Variants in FBXO33 observed in about 807,000 individuals in gnomAD.
FBXO33 encodes F-box protein 33, also known as F-box only protein 33.
FBXO33 carries 22 observed loss-of-function variants against 46.3 expected under a neutral mutation model. The ratio of observed to expected loss-of-function variants is 0.48; its 90% CI spans 0.34 to 0.68. The LOEUF (loss-of-function observed/expected upper bound fraction) is 0.68, where lower values mean the gene tolerates loss of function less well. FBXO33 is among the 30% of genes least tolerant of loss of function. The pLI, the probability that FBXO33 is intolerant of heterozygous loss-of-function variation, is 0.01. For synonymous variants in FBXO33, 337 were observed against 291.3 expected (o/e 1.16, Z -1.60); for missense variants, 692 against 708.8 (o/e 0.98, Z 0.27).
In FBXO33 at chr14:39,399,162, A is replaced by AT. The variant is rs554558710; in HGVS notation, c.*353dup. ...TATATATCTATATATGTATAAAAAT[A>AT]TTTTGGCTCCTGAGCTCTGAACTCT... On this transcript the variant is annotated 3_prime_UTR_variant, in exon 4 of 4. Coordinates refer to ENST00000298097, the MANE Select transcript of FBXO33 (RefSeq NM_203301.4). 9.3e-4 allele frequency: 152 copies of AT among 164,044 alleles called. No individual in the cohort carries two copies. The highest frequency in any genetic ancestry group is 1.6e-3 in the Non-Finnish European group (120 of 75,820). 10.2% of individuals were successfully genotyped at this position (164,044 alleles called of 1,614,324 possible).
Position 39,431,870 on chromosome 14 carries a change from C to A in FBXO33, c.293G>T (p.Trp98Leu), listed in dbSNP as rs866247564. The A allele has an allele frequency of 1.3e-6, 2 of 1,579,704 alleles. No homozygotes were observed. The highest frequency in any genetic ancestry group is 1.7e-6 in the Non-Finnish European group (2 of 1,168,466). Residue 98 changes from tryptophan to leucine, a missense_variant, in exon 1 of 4, where the codon TGG (tryptophan) becomes TTG (leucine). Physicochemically the swap from Trp to Leu is moderately conservative, Grantham distance 61. This residue lies in a region of FBXO33 where 412 missense variants were observed against 370.8 expected (regional missense o/e 1.11). Coordinates refer to ENST00000298097, the MANE Select transcript of FBXO33 (RefSeq NM_203301.4). ...RLRASASCSH[W>L]RECLFYPALW... ...GGCCGGATAGAAGAGGCACTCACGCCAGTGCGAGCAGGAGGCCGAGGCCCG... is the reference window on the plus strand; with the variant it reads ...GGCCGGATAGAAGAGGCACTCACGCAAGTGCGAGCAGGAGGCCGAGGCCCG...
At position 39,398,981 on chromosome 14, in the gene FBXO33, A is replaced by G. The variant is rs2075356285; in HGVS notation, c.*535T>C. On this transcript the variant is annotated 3_prime_UTR_variant, in exon 4 of 4. Coordinates refer to ENST00000298097, the MANE Select transcript of FBXO33 (RefSeq NM_203301.4). Reference sequence around the variant, plus strand: ...TTCAAAATGGTAACTGGTGATATCAACTATTAGATATGTAATGAAAGTTAA... The same window carrying G: ...TTCAAAATGGTAACTGGTGATATCAGCTATTAGATATGTAATGAAAGTTAA... 1.3e-5 allele frequency: 2 copies of G among 152,540 alleles called. No homozygotes were observed. Among genetic ancestry groups the G allele is most frequent in the South Asian group, 2.1e-4 (1 of 4,834 alleles). The allele number at this position is 152,540 out of a possible 1,614,324, so 9.4% of individuals were successfully genotyped here.
Position 39,431,872 on chromosome 14 carries a change from G to A in FBXO33, c.291C>T (p.His97=), listed in dbSNP as rs200294421. 36 of 1,579,010 alleles carry A rather than the reference G, an allele frequency of 2.3e-5. No individual in the cohort carries two copies. Among genetic ancestry groups the A allele is most frequent in the African/African-American group, 4.0e-5 (3 of 74,628 alleles). The change falls in exon 1 of 4, where the codon CAC becomes CAT. Residue 97 remains histidine, a synonymous_variant. Coordinates refer to ENST00000298097, the MANE Select transcript of FBXO33 (RefSeq NM_203301.4). ...CCGGATAGAAGAGGCACTCACGCCA[G>A]TGCGAGCAGGAGGCCGAGGCCCGCA... ...DRLRASASCS[H]WRECLFYPAL...
In FBXO33 at chr14:39,431,670, C is replaced by T. The variant is rs748126349; in HGVS notation, c.493G>A (p.Gly165Arg). Reference protein sequence around the residue: ...GDGGGADTGTGGEEVEALQLS... With the variant: ...GDGGGADTGTRGEEVEALQLS... ...TGCAGGGCCTCGACTTCCTCCCCTC[C>T]AGTCCCGGTGTCCGCGCCACCTCCG... The change falls in exon 1 of 4, where the codon GGA (glycine) becomes AGA (arginine). Residue 165 changes from glycine to arginine, a missense_variant. Physicochemically the swap from Gly to Arg is moderately radical, Grantham distance 125. Around this residue, in one of 3 missense-constraint regions of FBXO33, gnomAD observed 412 missense variants for 370.8 expected, o/e 1.11. Transcript: ENST00000298097. 1 of 1,613,634 alleles carries T rather than the reference C, an allele frequency of 6.2e-7. No individual in the cohort carries two copies.
intron 1 of FBXO33, among the ~76,000 whole-genome samples, chr14:39,411,411 T>C (rs2075421742): frequency 1.3e-5 from 2 of 152,180 alleles, no homozygotes; most frequent in African/African-American, 2.4e-5. Context: ...TTTCTTAACA[T>C]AGGGCATTTT....
At chr14:39,408,581 C>T (rs544132054) in intron 1 of FBXO33, among the ~76,000 whole-genome samples, 34 of 151,862 alleles carry the variant, frequency 2.2e-4, no homozygotes, top group South Asian at 6.2e-4. Context: ...AGCACCATCT[C>T]GGCTCACTGC....
intron 1 of FBXO33, among the ~76,000 whole-genome samples, chr14:39,431,086 T>C (rs1221757151): frequency 6.6e-6 from 1 of 152,144 alleles, no homozygotes; most frequent in African/African-American, 2.4e-5. Context: ...GGTAAGAAAA[T>C]GGCTGTTACA....
Position 39,432,140 on chromosome 14 carries a change from G to T in FBXO33, c.23C>A (p.Pro8Gln). ...TCGAGCTCCCGGCGGTCGGGGCTGCGGCACTGACAAGAACAACAACATCAA... is the reference window on the plus strand; with the variant it reads ...TCGAGCTCCCGGCGGTCGGGGCTGCTGCACTGACAAGAACAACAACATCAA... Reference protein sequence around the residue: MLLFLSVPQPRPPGARTR... With the variant: MLLFLSVQQPRPPGARTR... Residue 8 changes from proline (P) to glutamine (Q), a missense_variant, in exon 1 of 4, where the codon CCG (proline) becomes CAG (glutamine). Transcript: ENST00000298097. 1 of 1,239,656 alleles carries T rather than the reference G, an allele frequency of 8.1e-7. No individual in the cohort carries two copies. The highest frequency in any genetic ancestry group is 1.6e-5 in the African/African-American group (1 of 64,418). 76.8% of individuals were successfully genotyped at this position (1,239,656 alleles called of 1,614,324 possible). A position where few individuals can be genotyped will look rare whatever the true frequency, so the allele number is the denominator to read the frequency against.
intron 1 of FBXO33, among the ~76,000 whole-genome samples, chr14:39,410,218 T>C (rs531881296): frequency 1.3e-5 from 2 of 152,284 alleles, no homozygotes; most frequent in East Asian, 3.9e-4. Flanking sequence ...ATTCCTCCTA[T>C]GGTTAATTTT....
chr14:39,421,769 T>G (rs961388339), intron 1 of FBXO33, among the ~76,000 whole-genome samples: 1 of 135,738 alleles, frequency 7.4e-6, no homozygotes, highest in East Asian at 2.2e-4. Context: ...CCCTAGCTAT[T>G]TGAGTACAAA....
At chr14:39,417,593 C>T (rs558242239) in intron 1 of FBXO33, among the ~76,000 whole-genome samples, 7 of 151,928 alleles carry the variant, frequency 4.6e-5, no homozygotes, top group Admixed American at 2.0e-4. Flanking sequence ...TGCAATGGCA[C>T]GATCTTGGCT....
intron 1 of FBXO33, among the ~76,000 whole-genome samples, chr14:39,404,536 C>T (rs1955824073): frequency 2.0e-5 from 3 of 152,062 alleles, no homozygotes; most frequent in South Asian, 4.1e-4. Flanking sequence ...CCGTGTTAGC[C>T]AGGATGGTGT....
At chr14:39,412,515 T>C (rs1478807131) in intron 1 of FBXO33, among the ~76,000 whole-genome samples, 2 of 152,226 alleles carry the variant, frequency 1.3e-5, no homozygotes, top group Non-Finnish European at 2.9e-5. Context: ...TCAATGACTT[T>C]TGGTGATGGA....
At position 39,409,929 on chromosome 14, in the gene FBXO33, T is replaced by G. The variant is rs555965937; in HGVS notation, c.600-7418A>C. 3.3e-5 allele frequency among the ~76,000 whole-genome samples: 5 copies of G among 152,308 alleles called. No individual in the cohort carries two copies. In the South Asian group the frequency reaches 1.0e-3, roughly 32 times the overall value. ...AACCTTGCTGAATTTATTAAGAGTT[T>G]TTTTTTTGGTGGTGTCTTTAGTGTT... On this transcript the variant is annotated intron_variant, in intron 1 of 3. Coordinates refer to ENST00000298097, the MANE Select transcript of FBXO33 (RefSeq NM_203301.4).
chr14:39,413,756 T>C (rs1271534075), intron 1 of FBXO33, among the ~76,000 whole-genome samples: 4 of 152,216 alleles, frequency 2.6e-5, no homozygotes, highest in South Asian at 4.1e-4. Context: ...TGAGTGACCA[T>C]GTACATTGTC....
chr14:39,426,235 A>G (rs2075512961), intron 1 of FBXO33, among the ~76,000 whole-genome samples: 1 of 152,148 alleles, frequency 6.6e-6, no homozygotes, highest in African/African-American at 2.4e-5. Context: ...GTGAGAAAGA[A>G]ATGATGAAAA....
At chr14:39,404,922 G>A (rs1208304949) in intron 1 of FBXO33, among the ~76,000 whole-genome samples, 1 of 151,958 alleles carries the variant, frequency 6.6e-6, no homozygotes, top group African/African-American at 2.4e-5. Context: ...GCTGAGGTGG[G>A]TGGATCACGA....
intron 1 of FBXO33, among the ~76,000 whole-genome samples, chr14:39,416,065 G>T (rs1310902357): frequency 6.6e-6 from 1 of 152,198 alleles, no homozygotes; most frequent in Non-Finnish European, 1.5e-5. Context: ...ATATTCACTA[G>T]TGAGTTTTTT....
intron 1 of FBXO33, 24 bp from the exon 2 acceptor site, chr14:39,402,535 G>T: frequency 2.4e-6 from 3 of 1,227,292 alleles, no homozygotes; most frequent in Non-Finnish European, 3.3e-6. Flanking sequence ...CATTTAAAAT[G>T]ATTTGCTAAA....
Sources: allele counts gnomAD v4.1 joint callset (sites outside exome capture counted in the v4.1 genomes callset), GRCh38; gene constraint gnomAD v4.1.1; regional missense constraint gnomAD v4.1.1; transcripts MANE v1.5; gene names NCBI Gene and HGNC (gene_info 2026-07-23, HGNC 2026-07-21).